Variants in IARS2 observed in about 807,000 individuals in gnomAD.
IARS2 encodes isoleucyl-tRNA synthetase 2, mitochondrial.
Under a neutral mutation model 126.3 loss-of-function variants are expected in IARS2, and 56 were observed. That is an observed-to-expected ratio of 0.44 (90% CI 0.36 to 0.55). The LOEUF (loss-of-function observed/expected upper bound fraction) is 0.55. Ranked by LOEUF, IARS2 falls within the 20% of genes least tolerant of loss-of-function variation. IARS2 has a pLI of 0.00. For synonymous variants in IARS2, 407 were observed against 441.1 expected, an observed-to-expected ratio of 0.92 and a Z score of 0.97; for missense variants, 1,127 against 1,245.9, an observed-to-expected ratio of 0.90 and a Z score of 1.44.
intron 21 of IARS2, chr1:220,143,910 AT>A (rs1211685098): frequency 4.8e-5 from 42 of 878,280 alleles, no homozygotes; most frequent in Admixed American, 6.1e-5. Context: ...AATGAATATA[AT>A]TTTTTTTCCA....
intron 2 of IARS2, 52 bp from the exon 3 acceptor site, chr1:220,100,438 A>G (rs1291196287): frequency 1.4e-6 from 2 of 1,397,104 alleles, no homozygotes; most frequent in Admixed American, 2.1e-5. Context: ...ATTTTGAAAT[A>G]CATGGCCAAA....
chr1:220,123,051 A>G (rs1211634385), intron 12 of IARS2, among the ~76,000 whole-genome samples: 2 of 151,218 alleles, frequency 1.3e-5, no homozygotes, highest in Non-Finnish European at 2.9e-5. Flanking sequence ...ATGTAAATGT[A>G]CTTTACTAGT....
chr1:220,141,540 A>G (rs539469580), intron 19 of IARS2, among the ~76,000 whole-genome samples: 1 of 152,366 alleles, frequency 6.6e-6, no homozygotes, highest in African/African-American at 2.4e-5. Flanking sequence ...ACTTATTCAT[A>G]GTCCTTTAAT....
At chr1:220,099,408 A>T (rs1193171619) in intron 2 of IARS2, among the ~76,000 whole-genome samples, 1 of 152,192 alleles carries the variant, frequency 6.6e-6, no homozygotes, top group Non-Finnish European at 1.5e-5. Context: ...TTTGAGATAT[A>T]TCACATTTTC....
At chr1:220,139,732 C>A (rs1391798528) in intron 18 of IARS2, among the ~76,000 whole-genome samples, 1 of 152,000 alleles carries the variant, frequency 6.6e-6, no homozygotes, top group East Asian at 1.9e-4. Context: ...GCCTGGTTGA[C>A]AGAGTGAGAC....
chr1:220,095,205 A>AT (rs1387364589), intron 1 of IARS2, among the ~76,000 whole-genome samples: 1 of 152,048 alleles, frequency 6.6e-6, no homozygotes, highest in Non-Finnish European at 1.5e-5. Context: ...CGCCCGGCTA[A>AT]TTTTTATATT....
At chr1:220,107,791 C>G (rs1462125287) in intron 10 of IARS2, among the ~76,000 whole-genome samples, 2 of 152,170 alleles carry the variant, frequency 1.3e-5, no homozygotes, top group East Asian at 3.8e-4. Context: ...ATGGGAGAAT[C>G]CTTACTTGCC....
At chr1:220,124,600 T>C (rs1657116596) in intron 12 of IARS2, among the ~76,000 whole-genome samples, 1 of 152,210 alleles carries the variant, frequency 6.6e-6, no homozygotes, top group South Asian at 2.1e-4. Context: ...TTAGTACTTG[T>C]GCATGGTCAT....
At chr1:220,127,138 G>A (rs1328001978) in intron 14 of IARS2, among the ~76,000 whole-genome samples, 6 of 152,122 alleles carry the variant, frequency 3.9e-5, no homozygotes, top group Non-Finnish European at 7.4e-5. Context: ...CAACCCCAAG[G>A]CACCCAGTTT....
intron 12 of IARS2, among the ~76,000 whole-genome samples, chr1:220,121,823 G>A (rs1208849231): frequency 1.3e-5 from 2 of 152,140 alleles, no homozygotes; most frequent in Non-Finnish European, 2.9e-5. Context: ...GAGTGTGGTG[G>A]CTCACAACCC....
At position 220,094,272 on chromosome 1, in the gene IARS2, G is replaced by C; in HGVS notation, c.56G>C (p.Arg19Pro). 1 of 1,609,256 alleles carries C rather than the reference G, an allele frequency of 6.2e-7. No individual in the cohort carries two copies. The highest frequency in any genetic ancestry group is 8.5e-7 in the Non-Finnish European group (1 of 1,178,038). The change falls in exon 1 of 23, where the codon CGA becomes CCA. Residue 19 changes from arginine to proline, a missense_variant. Arg to Pro is a moderately radical substitution (Grantham distance 103). Transcript: ENST00000366922. ...GPGAAALATA[R>P]SLWGTPRLPC... Reference sequence around the variant, plus strand: ...GGCGCGGCCGCCCTGGCCACTGCCCGAAGTTTGTGGGGGACGCCCCGCCTT... The same window carrying C: ...GGCGCGGCCGCCCTGGCCACTGCCCCAAGTTTGTGGGGGACGCCCCGCCTT...
rs10442693 is a variant in IARS2, at chr1:220,141,603, G to A, written c.2415-200G>A. 0.4 allele frequency among the ~76,000 whole-genome samples: 60,125 copies of A among 152,040 alleles called. 13,265 individuals are homozygous for A. Among genetic ancestry groups the A allele is most frequent in the Non-Finnish European group, 0.51 (34,522 of 67,964 alleles). On this transcript the variant is annotated intron_variant, in intron 19 of 22. Coordinates refer to ENST00000366922, the MANE Select transcript of IARS2 (RefSeq NM_018060.4). The stretch of plus-strand genomic sequence containing the variant: ...CACCTGAGAAACAGAATGAGATAGC[G>A]TAGCCATGAGTGCTTTCAAGGAGGT...
At chr1:220,138,143 G>A (rs2102839516) in intron 17 of IARS2, 100 bp downstream of exon 17, 1 of 1,290,898 alleles carries the variant, frequency 7.7e-7, no homozygotes, top group South Asian at 1.3e-5. Context: ...AAAACTGAAT[G>A]AAAACGAGTT....
In IARS2 at chr1:220,147,819, G is replaced by GTA; in HGVS notation, c.*191_*192dup. 1 of 598,772 alleles carries GTA rather than the reference G, an allele frequency of 1.7e-6. No individual in the cohort carries two copies. Among genetic ancestry groups the GTA allele is most frequent in the Non-Finnish European group, 2.9e-6 (1 of 342,168 alleles). The allele number at this position is 598,772 out of a possible 1,614,324, so 37.1% of individuals were successfully genotyped here. ...TTCCTGTAACTATAGAAAGAATTAT[G>GTA]TATATATACATGCAGAAATATATAT... On this transcript the variant is annotated 3_prime_UTR_variant, in exon 23 of 23. Coordinates refer to ENST00000366922, the MANE Select transcript of IARS2 (RefSeq NM_018060.4).
At chr1:220,105,542 T>A (rs906419205) in intron 8 of IARS2, among the ~76,000 whole-genome samples, 1 of 152,128 alleles carries the variant, frequency 6.6e-6, no homozygotes, top group Non-Finnish European at 1.5e-5. Flanking sequence ...TTGTATGGGG[T>A]AGGTTTTCTT....
Position 220,114,372 on chromosome 1 carries a change from T to C in IARS2, c.1538T>C (p.Met513Thr). The C allele has an allele frequency of 2.5e-6, 4 of 1,614,022 alleles. No individual in the cohort carries two copies. Among genetic ancestry groups the C allele is most frequent in the Non-Finnish European group, 3.4e-6 (4 of 1,179,870 alleles). ...PGSALNGMVE[M>T]MDRRPYWCIS... The stretch of plus-strand genomic sequence containing the variant: ...TCAGCACTGAATGGCATGGTTGAAA[T>C]GATGGACAGGCGGCCATATTGGTGT... The change falls in exon 12 of 23, where the codon ATG becomes ACG. Residue 513 changes from methionine (M) to threonine (T), a missense_variant. Coordinates refer to ENST00000366922, the MANE Select transcript of IARS2 (RefSeq NM_018060.4).
Position 220,145,640 on chromosome 1 carries a change from C to T in IARS2, c.2883C>T (p.Leu961=), listed in dbSNP as rs1171869228. ...TAATCGAGCTTAAAGGGAAATTCCT[C>T]ATCAACTTAGAAGGTAAGAAGGAGA... ...ADVIELKGKF[L]INLEGGDIRE... Residue 961 remains leucine (L), a synonymous_variant, in exon 22 of 23, where the codon CTC becomes CTT. Coordinates refer to ENST00000366922, the MANE Select transcript of IARS2 (RefSeq NM_018060.4). 1.9e-6 allele frequency: 3 copies of T among 1,612,114 alleles called. No individual in the cohort carries two copies. Among genetic ancestry groups the T allele is most frequent in the African/African-American group, 1.3e-5 (1 of 74,996 alleles).
At chr1:220,097,116 A>G (rs1306243602) in intron 2 of IARS2, among the ~76,000 whole-genome samples, 1 of 152,068 alleles carries the variant, frequency 6.6e-6, no homozygotes, top group Non-Finnish European at 1.5e-5. Context: ...ACCCTTTTGC[A>G]AGGAATGGAA....
intron 20 of IARS2, 68 bp downstream of exon 20, chr1:220,142,016 T>C: frequency 6.8e-7 from 1 of 1,463,108 alleles, no homozygotes; most frequent in South Asian, 1.2e-5. Flanking sequence ...TCTACTTCTA[T>C]CTGCTTCATA....
Sources: gnomAD v4.1 joint callset for allele counts (sites outside exome capture counted in the v4.1 genomes callset) on GRCh38, gnomAD v4.1.1 for gene constraint, MANE v1.5 for transcripts, NCBI Gene and HGNC (gene_info 2026-07-23, HGNC 2026-07-21) for gene names.